The following KATNB1 variants were observed in gnomAD, a reference collection of about 807,000 sequenced individuals.
The protein encoded by KATNB1 is katanin p80 WD40 repeat-containing subunit B1.
In KATNB1, 38 loss-of-function variants were observed where a neutral mutation model predicts 82.3. The ratio of observed to expected loss-of-function variants is 0.46; its 90% confidence interval spans 0.36 to 0.61. The LOEUF (loss-of-function observed/expected upper bound fraction) is 0.61, where lower values mean the gene tolerates loss of function less well. KATNB1 is among the 20% of genes least tolerant of loss of function. The pLI, the probability that KATNB1 is intolerant of heterozygous loss-of-function variation, is 0.00. For missense variants in KATNB1, 749 were observed against 915.7 expected (o/e 0.82, Z 2.35); for synonymous variants, 361 against 368.7 (o/e 0.98, Z 0.24).
intron 2 of KATNB1, 32 bp from the exon 3 acceptor site, chr16:57,741,655 C>G: frequency 6.3e-7 from 1 of 1,598,654 alleles, no homozygotes; most frequent in Non-Finnish European, 8.5e-7. Context: ...TCGGGCCGCC[C>G]TGATGGCCTC....
intron 2 of KATNB1, 98 bp downstream of exon 2, chr16:57,737,381 C>A: frequency 7.5e-7 from 1 of 1,328,778 alleles, no homozygotes; most frequent in South Asian, 1.2e-5. Flanking sequence ...GTTCTTGGCA[C>A]AGGAGGAGAC....
At chr16:57,747,274 G>A (rs1597826669) in intron 4 of KATNB1, among the ~76,000 whole-genome samples, 1 of 152,206 alleles carries the variant, frequency 6.6e-6, no homozygotes, top group African/African-American at 2.4e-5. Context: ...GCAGCAACGT[G>A]GATTTTGCCG....
chr16:57,756,925 G>T lies in KATNB1; in HGVS notation c.1947G>T (p.Leu649=). Residue 649 remains leucine (L), a synonymous_variant, in exon 20 of 20, where the codon CTG becomes CTT. Coordinates refer to ENST00000379661, the MANE Select transcript of KATNB1 (RefSeq NM_005886.3). Reference sequence around the variant, plus strand: ...GCAGTACCTTCCGCGAGCTGCACCTGCTCATGGCCAGTCTGGACTGAGGAA... The same window carrying T: ...GCAGTACCTTCCGCGAGCTGCACCTTCTCATGGCCAGTCTGGACTGAGGAA... The part of the protein sequence containing the change: ...RHGSTFRELH[L]LMASLD The T allele has an allele frequency of 6.5e-7, 1 of 1,547,788 alleles. No homozygotes were observed.
intron 3 of KATNB1, among the ~76,000 whole-genome samples, chr16:57,744,061 A>G (rs2049163605): frequency 6.6e-6 from 1 of 152,216 alleles, no homozygotes; most frequent in Non-Finnish European, 1.5e-5. Context: ...CTTAGGGCTG[A>G]AGGGACAGCA....
chr16:57,744,878 C>T (rs1451031943), intron 4 of KATNB1, among the ~76,000 whole-genome samples: 5 of 152,118 alleles, frequency 3.3e-5, no homozygotes, highest in African/African-American at 7.2e-5. Context: ...CTGCGTGGGA[C>T]AGCCATGAAG....
At chr16:57,748,020 G>A (rs2049196157) in intron 4 of KATNB1, among the ~76,000 whole-genome samples, 1 of 152,154 alleles carries the variant, frequency 6.6e-6, no homozygotes, top group Non-Finnish European at 1.5e-5. Context: ...GTGGGCCCAG[G>A]ATCTGGATTT....
chr16:57,741,649 GC>G, intron 2 of KATNB1, 37 bp from the exon 3 acceptor site: 1 of 1,589,808 alleles, frequency 6.3e-7, no homozygotes, highest in Non-Finnish European at 8.6e-7. Flanking sequence ...GCCCCATCGG[GC>G]CGCCCTGATG....
Position 57,737,163 on chromosome 16 carries a change from T to TG in KATNB1, c.-73dup, listed in dbSNP as rs1213113025. 1.3e-4 allele frequency: 203 copies of TG among 1,511,748 alleles called. No individual in the cohort carries two copies. The highest frequency in any genetic ancestry group is 1.3e-4 in the Non-Finnish European group (142 of 1,094,232). The allele number at this position is 1,511,748 out of a possible 1,614,324, so 93.6% of individuals were successfully genotyped here. ...TCTCTGCCAACTTGATTGGTGGATC[T>TG]GGGGGGGGATCCACCCCCACCCCAC... On this transcript the variant is annotated 5_prime_UTR_variant, in exon 2 of 20. An upstream open reading frame in the 5' UTR loses its in-frame stop. Coordinates refer to ENST00000379661, the MANE Select transcript of KATNB1 (RefSeq NM_005886.3).
At chr16:57,755,562 T>A in intron 16 of KATNB1, 68 bp downstream of exon 16, 2 of 1,571,362 alleles carry the variant, frequency 1.3e-6, no homozygotes, top group Non-Finnish European at 1.7e-6. Context: ...TGCCCGGGCT[T>A]GGGGCAGAAC....
rs1555584648 is a variant in KATNB1 at position 57,753,956 on chromosome 16, C to A, written c.1189C>A (p.Pro397Thr). 5 of 1,613,386 alleles carry A rather than the reference C, an allele frequency of 3.1e-6. No individual in the cohort carries two copies. Among genetic ancestry groups the A allele is most frequent in the African/African-American group, 2.7e-5 (2 of 74,904 alleles). Residue 397 changes from proline to threonine, a missense_variant, in exon 13 of 20, where the codon CCC (proline) becomes ACC (threonine). Coordinates refer to ENST00000379661, the MANE Select transcript of KATNB1 (RefSeq NM_005886.3). ...QPKNSISRTPPRRSEPFPAPP... is the reference protein window; with the variant it reads ...QPKNSISRTPTRRSEPFPAPP... Reference sequence around the variant, plus strand: ...TCTTTCCTCTGCAGGTCGGACGCCACCCCGGAGAAGTGAGCCCTTCCCTGC... The same window carrying A: ...TCTTTCCTCTGCAGGTCGGACGCCAACCCGGAGAAGTGAGCCCTTCCCTGC...
intron 3 of KATNB1, among the ~76,000 whole-genome samples, chr16:57,743,488 T>G (rs373673947): frequency 6.6e-6 from 1 of 152,190 alleles, no homozygotes; most frequent in Admixed American, 6.5e-5. Context: ...TCTACCCCCA[T>G]GAAATGCCAA....
chr16:57,751,373 C>G lies in KATNB1; in HGVS notation c.432+71C>G, dbSNP rs2049226351. The G allele has an allele frequency of 4.2e-6, 6 of 1,437,116 alleles. No individual in the cohort carries two copies. The South Asian group carries it at 5.7e-5, about 14-fold the overall frequency. The allele number at this position is 1,437,116 out of a possible 1,614,324, so 89.0% of individuals were successfully genotyped here. A position where few individuals can be genotyped will look rare whatever the true frequency, so the allele number is the denominator to read the frequency against. On this transcript the variant is annotated intron_variant, in intron 6 of 19. Coordinates refer to ENST00000379661, the MANE Select transcript of KATNB1 (RefSeq NM_005886.3). This position sits in a 1 kb window ranked among gnomAD's most constrained non-coding sequence, Gnocchi z 6.3. ...TTGAGTGTGGTGTGGTGCCCAGACCCCAGCAGGGGGTGGAGGGGACGGCTG... is the reference window on the plus strand; with the variant it reads ...TTGAGTGTGGTGTGGTGCCCAGACCGCAGCAGGGGGTGGAGGGGACGGCTG...
chr16:57,736,654 G>T, intron 1 of KATNB1: 1 of 209,596 alleles, frequency 4.8e-6, no homozygotes, highest in Non-Finnish European at 1.0e-5. Context: ...CAAAAACAAC[G>T]ACTCGCAGGA....
Position 57,736,964 on chromosome 16 carries a change from T to C in KATNB1, c.-266-14T>C. On this transcript the variant is annotated splice_polypyrimidine_tract_variant and intron_variant, in intron 1 of 19. Transcript: ENST00000379661. The stretch of plus-strand genomic sequence containing the variant: ...CATTTTCTAACATGACGTCACCTCT[T>C]GTTTGTATTGCAGCCCTGTATTGAG... 3.0e-6 allele frequency: 2 copies of C among 671,830 alleles called. No homozygotes were observed. The highest frequency in any genetic ancestry group is 3.0e-5 in the South Asian group (2 of 66,472). The allele number at this position is 671,830 out of a possible 1,614,324, so 41.6% of individuals were successfully genotyped here. A position where few individuals can be genotyped will look rare whatever the true frequency, so the allele number is the denominator to read the frequency against.
chr16:57,755,354 A>T lies in KATNB1; in HGVS notation c.1426A>T (p.Ile476Phe), dbSNP rs1555585530. The T allele has an allele frequency of 1.2e-6, 2 of 1,613,180 alleles. No individual in the cohort carries two copies. The highest frequency in any genetic ancestry group is 4.5e-5 in the East Asian group (2 of 44,878). The change falls in exon 16 of 20, where the codon ATC (isoleucine) becomes TTC (phenylalanine). Residue 476 changes from isoleucine to phenylalanine, a missense_variant. Ile to Phe is a conservative substitution (Grantham distance 21, BLOSUM62 0). Transcript: ENST00000379661. ...KASDFLPAVK[I>F]PQQAELVDED... ...TGTCCATCCCACGCAGGCCGTGAAG[A>T]TCCCCCAGCAGGCCGAGCTGGTGGA...
rs1555585569 is a variant in KATNB1, at chr16:57,755,389, C to T, written c.1461C>T (p.Ala487=). The T allele has an allele frequency of 6.2e-7, 1 of 1,613,324 alleles. No individual in the cohort carries two copies. The highest frequency in any genetic ancestry group is 8.5e-7 in the Non-Finnish European group (1 of 1,180,028). ...AGGCCGAGCTGGTGGACGAGGATGC[C>T]ATGTCACAGATCCGCAAAGGCCACG... ...PQQAELVDED[A]MSQIRKGHDT... The change falls in exon 16 of 20, where the codon GCC becomes GCT. Residue 487 remains alanine, a synonymous_variant. Coordinates refer to ENST00000379661, the MANE Select transcript of KATNB1 (RefSeq NM_005886.3).
chr16:57,750,083 C>T (rs756166636), intron 4 of KATNB1, among the ~76,000 whole-genome samples: 1 of 152,204 alleles, frequency 6.6e-6, no homozygotes, highest in Admixed American at 6.5e-5. Flanking sequence ...ATAAAGCCTT[C>T]CTGGATTTCT....
chr16:57,753,179 C>T lies in KATNB1; in HGVS notation c.958C>T (p.Arg320Trp), dbSNP rs782001354. The change falls in exon 11 of 20, where the codon CGG (arginine) becomes TGG (tryptophan). Residue 320 changes from arginine (R) to tryptophan (W), a missense_variant. Physicochemically the swap from Arg to Trp is moderately radical, Grantham distance 101. Around this residue, in one of 3 missense-constraint regions of KATNB1, gnomAD observed 407 missense variants for 434.7 expected, o/e 0.94. Transcript: ENST00000379661. ...TVARDPVQDH[R>W]PLAQPLPNPS... ...GGCCCGGGACCCTGTGCAGGACCAC[C>T]GGCCCCTGGCACAGCCACTGCCCAA... The T allele has an allele frequency of 8.7e-6, 14 of 1,609,452 alleles. No homozygotes were observed. The highest frequency in any genetic ancestry group is 6.7e-5 in the East Asian group (3 of 44,862).
chr16:57,752,225 T>G, intron 8 of KATNB1, 170 bp downstream of exon 8: 1 of 649,440 alleles, frequency 1.5e-6, no homozygotes, highest in Non-Finnish European at 2.8e-6. Context: ...CTGGTCCATC[T>G]CCCCTGGCTC....
Sources: allele counts gnomAD v4.1 joint callset (sites outside exome capture counted in the v4.1 genomes callset), GRCh38; gene constraint gnomAD v4.1.1; regional missense constraint gnomAD v4.1.1; non-coding constraint Gnocchi (gnomAD v3.1); transcripts MANE v1.5; gene names NCBI Gene and HGNC (gene_info 2026-07-23, HGNC 2026-07-21).